The following SH3RF2 variants were observed in gnomAD, a reference collection of about 807,000 sequenced individuals.
SH3RF2 encodes the protein SH3 domain containing ring finger 2, also known as E3 ubiquitin-protein ligase SH3RF2.
SH3RF2 carries 43 observed loss-of-function variants against 59.0 expected under a neutral mutation model. That is an observed-to-expected ratio of 0.73 (90% CI 0.57 to 0.94). The LOEUF is 0.94. Among genes scored for constraint, SH3RF2 ranks in the 40% least tolerant of loss-of-function variants. SH3RF2 has a pLI of 0.00. For missense variants in SH3RF2, 930 were observed against 940.1 expected (o/e 0.99, Z 0.14); for synonymous variants, 391 against 391.5 (o/e 1.00, Z 0.01).
At position 146,049,144 on chromosome 5, in the gene SH3RF2, C is replaced by G. The variant is rs1336194579; in HGVS notation, c.1221C>G (p.Val407=). ...TGGACCTGCAAAAGGGAGAAGGCGT[C>G]AGGGTCCTGGGGAAGTGCCAGGACG... is the stretch of plus-strand genomic sequence containing the variant. The part of the protein sequence containing the change: ...DELDLQKGEG[V]RVLGKCQDGW... Residue 407 remains valine, a synonymous_variant, in exon 7 of 10, where the codon GTC becomes GTG. Coordinates refer to ENST00000359120, the MANE Select transcript of SH3RF2 (RefSeq NM_152550.4). 1 of 1,614,174 alleles carries G rather than the reference C, an allele frequency of 6.2e-7. No individual in the cohort carries two copies. Among genetic ancestry groups the G allele is most frequent in the South Asian group, 1.1e-5 (1 of 91,086 alleles).
At chr5:146,009,804 T>A (rs928613592) in intron 4 of SH3RF2, among the ~76,000 whole-genome samples, 4 of 152,244 alleles carry the variant, frequency 2.6e-5, no homozygotes, top group African/African-American at 9.6e-5. Context: ...CATATCTTCT[T>A]TAAAATTTTC....
intron 5 of SH3RF2, among the ~76,000 whole-genome samples, chr5:146,017,398 G>A (rs1761144815): frequency 6.6e-6 from 1 of 152,064 alleles, no homozygotes. Flanking sequence ...GGCCCTCCCT[G>A]GAGATTCTAA....
chr5:145,964,228 C>T (rs1028502386), intron 2 of SH3RF2, among the ~76,000 whole-genome samples: 7 of 142,972 alleles, frequency 4.9e-5, no homozygotes, highest in African/African-American at 1.8e-4. Context: ...TTCCTTCTTT[C>T]TTTTCTTTCT....
At chr5:146,046,092 CAT>C (rs1237064858) in intron 5 of SH3RF2, among the ~76,000 whole-genome samples, 2 of 152,222 alleles carry the variant, frequency 1.3e-5, no homozygotes, top group Non-Finnish European at 1.5e-5. Context: ...GACGTAGACA[CAT>C]GTACAAAATT....
intron 5 of SH3RF2, among the ~76,000 whole-genome samples, chr5:146,024,684 T>C (rs1030908687): frequency 2.0e-5 from 3 of 152,248 alleles, no homozygotes; most frequent in African/African-American, 4.8e-5. Flanking sequence ...CAGTTTTTAC[T>C]CTAATGTTTA....
intron 2 of SH3RF2, among the ~76,000 whole-genome samples, chr5:145,950,622 T>C (rs1387231737): frequency 6.6e-6 from 1 of 151,182 alleles, no homozygotes; most frequent in Admixed American, 6.6e-5. Context: ...ATCTGGACAA[T>C]AGAAATAAAA....
chr5:145,972,729 C>A (rs1447283122), intron 2 of SH3RF2, among the ~76,000 whole-genome samples: 1 of 152,174 alleles, frequency 6.6e-6, no homozygotes. Context: ...ACAGAGTCTG[C>A]ATAAATTATC....
At chr5:146,066,212 CTG>C (rs1232274801), downstream of SH3RF2, among the ~76,000 whole-genome samples, 1 of 152,230 alleles carries the variant, frequency 6.6e-6, no homozygotes, top group African/African-American at 2.4e-5. Context: ...GATGCTGACT[CTG>C]GACTGCCAGG....
chr5:145,984,325 G>C (rs555349855), intron 2 of SH3RF2, among the ~76,000 whole-genome samples: 1 of 152,196 alleles, frequency 6.6e-6, no homozygotes. Context: ...GATAGGGGAA[G>C]TATAGGGTGC....
At chr5:146,056,486 A>G (rs1762676334) in intron 8 of SH3RF2, among the ~76,000 whole-genome samples, 1 of 152,166 alleles carries the variant, frequency 6.6e-6, no homozygotes, top group Non-Finnish European at 1.5e-5. Flanking sequence ...GCCAACGTGG[A>G]CACTGGCTCT....
rs1382143774 is a variant in SH3RF2, at chr5:146,000,433, ATATAT to A, written c.648+115_648+119del. ...CTGATTTTAAAAAATTGTATTTTAA[ATATAT>A]TATATTATTGTTAATATTTTATTCA... On this transcript the variant is annotated intron_variant, in intron 3 of 9. Transcript: ENST00000359120. 43 of 929,722 alleles carry A rather than the reference ATATAT, an allele frequency of 4.6e-5. 1 individual carries two copies. The highest frequency in any genetic ancestry group is 1.8e-4 in the South Asian group (6 of 34,236). 57.6% of individuals were successfully genotyped at this position (929,722 alleles called of 1,614,324 possible). A position where few individuals can be genotyped will look rare whatever the true frequency, so the allele number is the denominator to read the frequency against.
intron 8 of SH3RF2, among the ~76,000 whole-genome samples, chr5:146,057,990 A>C (rs1380671854): frequency 6.6e-6 from 1 of 150,582 alleles, no homozygotes; most frequent in African/African-American, 2.5e-5. Context: ...CTATCTATAT[A>C]TATATATTTG....
In SH3RF2 at chr5:145,997,235, C is replaced by A. The variant is rs1309501311; in HGVS notation, c.379-2823C>A. 3.4e-6 allele frequency: 3 copies of A among 891,186 alleles called. No homozygotes were observed. In the Admixed American group the frequency reaches 5.2e-5, roughly 15 times the overall value. 55.2% of individuals were successfully genotyped at this position (891,186 alleles called of 1,614,324 possible). A position where few individuals can be genotyped will look rare whatever the true frequency, so the allele number is the denominator to read the frequency against. Reference sequence around the variant, plus strand: ...GCTAGTAGATGGGAAAACTGACAACCATGCCTGCAAGTCTGATACATGCAT... The same window carrying A: ...GCTAGTAGATGGGAAAACTGACAACAATGCCTGCAAGTCTGATACATGCAT... On this transcript the variant is annotated intron_variant, in intron 2 of 9. Transcript: ENST00000359120.
At chr5:146,045,240 T>C (rs1762262428) in intron 5 of SH3RF2, among the ~76,000 whole-genome samples, 1 of 152,198 alleles carries the variant, frequency 6.6e-6, no homozygotes. Flanking sequence ...CAATATCTGA[T>C]TACAAACTCA....
chr5:146,011,012 G>C (rs1401036274), intron 4 of SH3RF2, among the ~76,000 whole-genome samples: 3 of 152,020 alleles, frequency 2.0e-5, no homozygotes, highest in Non-Finnish European at 4.4e-5. Flanking sequence ...TATGGTTTTA[G>C]GTCTAACATT....
At chr5:146,012,320 T>C (rs1191596170) in intron 4 of SH3RF2, among the ~76,000 whole-genome samples, 1 of 152,212 alleles carries the variant, frequency 6.6e-6, no homozygotes, top group Non-Finnish European at 1.5e-5. Flanking sequence ...TGGTCTATAA[T>C]TCTCTTTGTT....
intron 2 of SH3RF2, among the ~76,000 whole-genome samples, chr5:145,989,835 T>C (rs956401376): frequency 6.6e-6 from 1 of 152,232 alleles, no homozygotes; most frequent in Admixed American, 6.5e-5. Context: ...TGTGGTTGAT[T>C]CTACTCCACT....
At chr5:146,074,064 GAGTCTC>G (rs1182203263) in intron 9 of SH3RF2, among the ~76,000 whole-genome samples, 1 of 110,634 alleles carries the variant, frequency 9.0e-6, no homozygotes, top group South Asian at 2.4e-4. Context: ...TTTTGAGACA[GAGTCTC>G]GCTCTGTCGC....
chr5:146,062,772 G>T lies in SH3RF2; in HGVS notation c.*71G>T, dbSNP rs1762949331. On this transcript the variant is annotated 3_prime_UTR_variant, in exon 10 of 10. Coordinates refer to ENST00000359120, the MANE Select transcript of SH3RF2 (RefSeq NM_152550.4). ...TAAATACAGTCTGCCTCCACTGAGG[G>T]CATCCTGCCATTCTTTGGGGACTTG... 1.3e-6 allele frequency: 2 copies of T among 1,535,522 alleles called. No individual in the cohort carries two copies. The highest frequency in any genetic ancestry group is 2.7e-5 in the African/African-American group (2 of 73,054).
Sources: gnomAD v4.1 joint callset for allele counts (sites outside exome capture counted in the v4.1 genomes callset) on GRCh38, gnomAD v4.1.1 for gene constraint, MANE v1.5 for transcripts, NCBI Gene and HGNC (gene_info 2026-07-23, HGNC 2026-07-21) for gene names.